Variants in VTI1A observed in about 807,000 individuals in gnomAD.
VTI1A encodes the protein vesicle transport through interaction with t-SNAREs homolog 1A.
Under a neutral mutation model 34.9 loss-of-function variants are expected in VTI1A, and 22 were observed. That is an observed-to-expected ratio of 0.63 (90% CI 0.45 to 0.90). The LOEUF (loss-of-function observed/expected upper bound fraction) is 0.90, where lower values mean the gene tolerates loss of function less well. Ranked by LOEUF, VTI1A falls within the 40% of genes least tolerant of loss-of-function variation. The pLI, the probability that VTI1A is intolerant of heterozygous loss-of-function variation, is 0.00. For missense variants in VTI1A, 268 were observed against 275.6 expected (o/e 0.97, Z 0.20); for synonymous variants, 87 against 97.3 (o/e 0.89, Z 0.62).
At chr10:112,808,790 C>A (rs1404852024) in intron 7 of VTI1A, among the ~76,000 whole-genome samples, 1 of 152,164 alleles carries the variant, frequency 6.6e-6, no homozygotes, top group African/African-American at 2.4e-5. Flanking sequence ...GAATCCGTCT[C>A]TTTTTCTTTA....
chr10:112,732,799 C>G (rs1250526269), intron 7 of VTI1A, among the ~76,000 whole-genome samples: 1 of 152,202 alleles, frequency 6.6e-6, no homozygotes, highest in African/African-American at 2.4e-5. Context: ...GTTTTTCTTA[C>G]TGTTTCCTGA....
intron 7 of VTI1A, among the ~76,000 whole-genome samples, chr10:112,739,929 C>G (rs1484547393): frequency 1.3e-5 from 2 of 152,208 alleles, no homozygotes; most frequent in Non-Finnish European, 2.9e-5. Flanking sequence ...TCTTCAGAAG[C>G]AAAATTAATC....
At chr10:112,625,650 A>AAAAAAAAAAAAAAAAAAG (rs1431202187) in intron 5 of VTI1A, among the ~76,000 whole-genome samples, 1 of 150,916 alleles carries the variant, frequency 6.6e-6, no homozygotes, top group African/African-American at 2.4e-5. Flanking sequence ...CAAAAAAAAA[A>AAAAAAAAAAAAAAAAAAG]AAGGAAAACC....
chr10:112,791,665 C>T (rs754626801), intron 7 of VTI1A, among the ~76,000 whole-genome samples: 1 of 152,102 alleles, frequency 6.6e-6, no homozygotes, highest in Non-Finnish European at 1.5e-5. Flanking sequence ...AGGACTATCT[C>T]GTTGCTTGTT....
chr10:112,460,041 C>T (rs1847679999), intron 1 of VTI1A, among the ~76,000 whole-genome samples: 1 of 152,140 alleles, frequency 6.6e-6, no homozygotes. Context: ...GTCCTAACTT[C>T]AAATATTTAT....
At chr10:112,470,339 C>G (rs550346814) in intron 3 of VTI1A, among the ~76,000 whole-genome samples, 1 of 152,096 alleles carries the variant, frequency 6.6e-6, no homozygotes, top group Admixed American at 6.6e-5. Context: ...AAAAACCAAA[C>G]AAAATGTATT....
intron 5 of VTI1A, among the ~76,000 whole-genome samples, chr10:112,615,352 T>TA (rs1280187092): frequency 6.6e-6 from 1 of 152,242 alleles, no homozygotes; most frequent in Non-Finnish European, 1.5e-5. Flanking sequence ...TAGGAATAGT[T>TA]CTTTTACATC....
chr10:112,482,637 C>T (rs1246671101), intron 3 of VTI1A, among the ~76,000 whole-genome samples: 1 of 152,106 alleles, frequency 6.6e-6, no homozygotes. Flanking sequence ...GCTTTTCACT[C>T]TGAAAAGGCA....
At chr10:112,795,880 A>G (rs1212505449) in intron 7 of VTI1A, among the ~76,000 whole-genome samples, 2 of 152,226 alleles carry the variant, frequency 1.3e-5, no homozygotes, top group African/African-American at 4.8e-5. Context: ...GTAGAAATAC[A>G]TAAAGATAGA....
At chr10:112,736,111 G>GTGTATATATATATATATATATATA (rs778802494) in intron 7 of VTI1A, among the ~76,000 whole-genome samples, 1 of 116,224 alleles carries the variant, frequency 8.6e-6, no homozygotes, top group African/African-American at 3.7e-5. Context: ...ATGTGTGTGT[G>GTGTATATATATATATATATATATA]TATATATATA....
chr10:112,792,564 T>A (rs1223139942), intron 7 of VTI1A, among the ~76,000 whole-genome samples: 1 of 152,172 alleles, frequency 6.6e-6, no homozygotes, highest in East Asian at 1.9e-4. Flanking sequence ...TTTATGAGCA[T>A]TGGAATTTTG....
chr10:112,770,557 G>A (rs543581201), intron 7 of VTI1A, among the ~76,000 whole-genome samples: 3 of 149,002 alleles, frequency 2.0e-5, no homozygotes, highest in South Asian at 2.2e-4. Context: ...CACCACGCCC[G>A]GCTAATTTTT....
At chr10:112,795,245 C>T (rs1006082643) in intron 7 of VTI1A, among the ~76,000 whole-genome samples, 1 of 152,272 alleles carries the variant, frequency 6.6e-6, no homozygotes, top group South Asian at 2.1e-4. Flanking sequence ...TCTTGGCTAA[C>T]TTAACTCTCT....
chr10:112,513,647 A>T (rs1014492077), intron 3 of VTI1A, among the ~76,000 whole-genome samples: 13 of 151,954 alleles, frequency 8.6e-5, no homozygotes, highest in Admixed American at 1.3e-4. Context: ...ACATTTCACC[A>T]TGGAGAATTA....
At chr10:112,700,117 C>CAAAA (rs1201699870) in intron 7 of VTI1A, among the ~76,000 whole-genome samples, 7 of 40,390 alleles carry the variant, frequency 1.7e-4, no homozygotes, top group South Asian at 1.1e-3. Flanking sequence ...GACTCCATCT[C>CAAAA]AAAAAAAAAA....
chr10:112,504,389 A>G (rs571036027), intron 3 of VTI1A, among the ~76,000 whole-genome samples: 3 of 152,164 alleles, frequency 2.0e-5, no homozygotes, highest in Admixed American at 6.5e-5. Flanking sequence ...AACAACAACA[A>G]AATGGCACAT....
intron 3 of VTI1A, among the ~76,000 whole-genome samples, chr10:112,466,846 T>C (rs2134059164): frequency 6.6e-6 from 1 of 152,110 alleles, no homozygotes; most frequent in South Asian, 2.1e-4. Context: ...GAAGTTGGAG[T>C]TCAAGGTGTT....
chr10:112,754,884 T>A (rs1223569766), intron 7 of VTI1A, among the ~76,000 whole-genome samples: 2 of 152,194 alleles, frequency 1.3e-5, no homozygotes, highest in Non-Finnish European at 2.9e-5. Context: ...AATGATGACA[T>A]TTTTCTGAAA....
At chr10:112,605,599 A>G (rs993099583) in intron 5 of VTI1A, among the ~76,000 whole-genome samples, 1 of 152,176 alleles carries the variant, frequency 6.6e-6, no homozygotes, top group Admixed American at 6.5e-5. Context: ...TCTGGAGACA[A>G]GCAAGAAATG....
Sources: allele counts gnomAD v4.1 joint callset (sites outside exome capture counted in the v4.1 genomes callset), GRCh38; gene constraint gnomAD v4.1.1; transcripts MANE v1.5; gene names NCBI Gene and HGNC (gene_info 2026-07-23, HGNC 2026-07-21).